ABCB6: variants seen among roughly 807,000 people sequenced by gnomAD.
ABCB6 encodes the protein ATP binding cassette subfamily B member 6 (LAN blood group), also known as ATP-binding cassette sub-family B member 6.
In ABCB6, 87 loss-of-function variants were observed where a neutral mutation model predicts 99.4. The ratio of observed to expected loss-of-function variants is 0.88; its 90% CI spans 0.74 to 1.05. ABCB6 has a LOEUF of 1.05. ABCB6 is among the 50% of genes least tolerant of loss of function. The pLI, the probability that ABCB6 is intolerant of heterozygous loss-of-function variation, is 0.00. For missense variants in ABCB6, 1,050 were observed against 1,097.9 expected (o/e 0.96, Z 0.62); for synonymous variants, 482 against 447.5 (o/e 1.08, Z -0.97).
At chr2:219,217,065 A>C (rs1950650383) in intron 2 of ABCB6, among the ~76,000 whole-genome samples, 1 of 152,210 alleles carries the variant, frequency 6.6e-6, no homozygotes, top group South Asian at 2.1e-4. Context: ...CAGGATTCAG[A>C]AACTGAGGTG....
At position 219,216,293 on chromosome 2, in the gene ABCB6, G is replaced by T; in HGVS notation, c.970+71C>A. On this transcript the variant is annotated intron_variant, in intron 4 of 18. Transcript: ENST00000265316. This position sits in a 1 kb window ranked among gnomAD's most constrained non-coding sequence, Gnocchi z 4.2. The stretch of plus-strand genomic sequence containing the variant: ...TGGGGGCTGGGGAGGAATGCTGGGA[G>T]AGGCGGATGCTGAGGGAATGCCTGT... 1 of 1,588,176 alleles carries T rather than the reference G, an allele frequency of 6.3e-7. No individual in the cohort carries two copies. The highest frequency in any genetic ancestry group is 1.1e-5 in the South Asian group (1 of 89,962).
At position 219,218,375 on chromosome 2, in the gene ABCB6, C is replaced by T; in HGVS notation, c.299G>A (p.Gly100Glu). 2 of 1,612,700 alleles carry T rather than the reference C, an allele frequency of 1.2e-6. No individual in the cohort carries two copies. Among genetic ancestry groups the T allele is most frequent in the Non-Finnish European group, 1.7e-6 (2 of 1,179,804 alleles). ...AAGTAGATAGCTTGGCAGTGGGGCCCCCCGGGCAGTGCCCACCCGGCCAGC... is the reference window on the plus strand; with the variant it reads ...AAGTAGATAGCTTGGCAGTGGGGCCTCCCGGGCAGTGCCCACCCGGCCAGC... ...GLAGRVGTAR[G>E]APLPSYLLLA... Residue 100 changes from glycine (G) to glutamate (E), a missense_variant, in exon 1 of 19, where the codon GGG becomes GAG. Transcript: ENST00000265316.
chr2:219,210,464 C>T lies in ABCB6; in HGVS notation c.2268G>A (p.Ala756=), dbSNP rs141050409. Residue 756 remains alanine, a synonymous_variant, in exon 17 of 19, where the codon GCG becomes GCA. Transcript: ENST00000265316. The stretch of plus-strand genomic sequence containing the variant: ...TGGCCCTCTCATTAGATGTATCCAG[C>T]GCTGACGTTGCCTATAGAGAGGGTC... The part of the protein sequence containing the change: ...GIILLDEATS[A]LDTSNERAIQ... The T allele has an allele frequency of 5.4e-5, 87 of 1,614,048 alleles. No individual in the cohort carries two copies. The highest frequency in any genetic ancestry group is 6.8e-5 in the Non-Finnish European group (80 of 1,180,032).
chr2:219,210,527 G>T (rs569043291), intron 16 of ABCB6, 52 bp from the exon 17 acceptor site: 1 of 1,603,094 alleles, frequency 6.2e-7, no homozygotes, highest in African/African-American at 1.3e-5. Context: ...ACCCTCAATG[G>T]AAGGAGGCAG....
In ABCB6 at chr2:219,218,417, A is replaced by C; in HGVS notation, c.257T>G (p.Leu86Arg). ...CCGGCCAGCCAGGCCGGCCAGGGGC[A>C]GCGCCGCCTGAAGTGTGGCCAGAAG... ...QLLLATLQAA[L>R]PLAGLAGRVG... Residue 86 changes from leucine (L) to arginine (R), a missense_variant, in exon 1 of 19, where the codon CTG (leucine) becomes CGG (arginine). Transcript: ENST00000265316. 1.9e-6 allele frequency: 3 copies of C among 1,611,290 alleles called. No homozygotes were observed. The highest frequency in any genetic ancestry group is 2.5e-6 in the Non-Finnish European group (3 of 1,179,088).
At chr2:219,213,715 CTCT>C (rs1201915632) in intron 9 of ABCB6, 49 bp from the exon 10 acceptor site, 1 of 1,613,594 alleles carries the variant, frequency 6.2e-7, no homozygotes, top group Non-Finnish European at 8.5e-7. Context: ...CTGCAGGCCG[CTCT>C]TCTTGTGTCA....
In ABCB6 at chr2:219,216,686, G is replaced by A; in HGVS notation, c.834C>T (p.Leu278=). The part of the protein sequence containing the change: ...CLGLMGLERA[L]NVLVPIFYRN... Reference sequence around the variant, plus strand: ...TATAGAATATAGGCACCAACACATTGAGTGCCCGTTCCAAACCCATGAGCC... The same window carrying A: ...TATAGAATATAGGCACCAACACATTAAGTGCCCGTTCCAAACCCATGAGCC... The change falls in exon 3 of 19, where the codon CTC becomes CTT. Residue 278 remains leucine (L), a synonymous_variant. Coordinates refer to ENST00000265316, the MANE Select transcript of ABCB6 (RefSeq NM_005689.4). This position sits in a 1 kb window ranked among gnomAD's most constrained non-coding sequence, Gnocchi z 4.2. 1 of 1,577,170 alleles carries A rather than the reference G, an allele frequency of 6.3e-7. No individual in the cohort carries two copies. Among genetic ancestry groups the A allele is most frequent in the South Asian group, 1.2e-5 (1 of 86,780 alleles).
At position 219,215,019 on chromosome 2, in the gene ABCB6, G is replaced by A; in HGVS notation, c.1218C>T (p.Ser406=). The A allele has an allele frequency of 1.2e-6, 2 of 1,614,208 alleles. No homozygotes were observed. Among genetic ancestry groups the A allele is most frequent in the Non-Finnish European group, 8.5e-7 (1 of 1,180,036 alleles). Residue 406 remains serine (S), a synonymous_variant, in exon 6 of 19, where the codon AGC becomes AGT. Transcript: ENST00000265316. The part of the protein sequence containing the change: ...ADIIIGIIYF[S]MFFNAWFGLI... ...GGCCAAACCAGGCGTTGAAGAACAT[G>A]CTGAAGTAGATGATGCCAATGATGA...
rs977860215 is a variant in ABCB6, at chr2:219,218,567, C to T, written c.107G>A (p.Arg36Gln). 5 of 1,612,450 alleles carry T rather than the reference C, an allele frequency of 3.1e-6. No homozygotes were observed. Among genetic ancestry groups the T allele is most frequent in the Non-Finnish European group, 3.4e-6 (4 of 1,179,688 alleles). ...CFFFTLVPST[R>Q]MALGTLALVL... is the part of the protein sequence containing the mutation. ...CAAGGCCAGAGTCCCCAGAGCCATC[C>T]GCGTCGAGGGCACGAGCGTGAAGAA... The change falls in exon 1 of 19, where the codon CGG becomes CAG. Residue 36 changes from arginine to glutamine, a missense_variant. Transcript: ENST00000265316.
At position 219,214,180 on chromosome 2, in the gene ABCB6, A is replaced by G. The variant is rs781417749; in HGVS notation, c.1393T>C (p.Tyr465His). The change falls in exon 8 of 19, where the codon TAT (tyrosine) becomes CAT (histidine). Residue 465 changes from tyrosine (Y) to histidine (H), a missense_variant. Transcript: ENST00000265316. ...DSLLNFETVK[Y>H]YNAESYEVER... is the part of the protein sequence containing the mutation. ...ACTTCGTAACTCTCGGCGTTGTAAT[A>G]CTTCACCTGATGAATTCAAACCAAA... The G allele has an allele frequency of 6.2e-7, 1 of 1,614,192 alleles. No individual in the cohort carries two copies. Among genetic ancestry groups the G allele is most frequent in the East Asian group, 2.2e-5 (1 of 44,886 alleles).
intron 5 of ABCB6, chr2:219,215,312 T>A: frequency 1.9e-6 from 1 of 519,942 alleles, no homozygotes; most frequent in Non-Finnish European, 3.4e-6. Context: ...GAAAAATATA[T>A]CTCCATAATG....
chr2:219,215,760 A>C (rs1950631059), intron 5 of ABCB6: 1 of 406,538 alleles, frequency 2.5e-6, no homozygotes, highest in South Asian at 6.9e-5. Flanking sequence ...GCAGAACCCA[A>C]CATACTAAAC....
intron 8 of ABCB6, 32 bp from the exon 9 acceptor site, chr2:219,213,983 CTA>C: frequency 1.2e-6 from 2 of 1,613,492 alleles, no homozygotes; most frequent in Non-Finnish European, 1.7e-6. Context: ...GAGGAATGTC[CTA>C]TACACAATGG....
intron 13 of ABCB6, among the ~76,000 whole-genome samples, 166 bp from the exon 14 acceptor site, chr2:219,212,657 G>A (rs1033382723): frequency 1.4e-4 from 22 of 152,242 alleles, no homozygotes; most frequent in African/African-American, 4.6e-4. Context: ...CTAGTAGTGG[G>A]ATTATAGGCA....
At chr2:219,212,347 G>A (rs573811472) in intron 14 of ABCB6, 40 bp downstream of exon 14, 22 of 1,559,698 alleles carry the variant, frequency 1.4e-5, no homozygotes, top group Middle Eastern at 1.7e-4. Context: ...TCCTCCACAC[G>A]TAGACCCCTA....
At position 219,218,394 on chromosome 2, in the gene ABCB6, G is replaced by A. The variant is rs1235347072; in HGVS notation, c.280C>T (p.Arg94Trp). 2 of 1,612,028 alleles carry A rather than the reference G, an allele frequency of 1.2e-6. No homozygotes were observed. The highest frequency in any genetic ancestry group is 1.7e-5 in the Admixed American group (1 of 59,948). ...AALPLAGLAG[R>W]VGTARGAPLP... ...GGGGCCCCCCGGGCAGTGCCCACCC[G>A]GCCAGCCAGGCCGGCCAGGGGCAGC... Residue 94 changes from arginine (R) to tryptophan (W), a missense_variant, in exon 1 of 19, where the codon CGG becomes TGG. Coordinates refer to ENST00000265316, the MANE Select transcript of ABCB6 (RefSeq NM_005689.4).
intron 8 of ABCB6, 64 bp downstream of exon 8, chr2:219,214,057 T>C: frequency 6.2e-7 from 1 of 1,612,964 alleles, no homozygotes; most frequent in South Asian, 1.1e-5. Flanking sequence ...CTATCACTCT[T>C]GGCCCTGAAA....
Position 219,218,812 on chromosome 2 carries a change from G to C in ABCB6, c.-139C>G, listed in dbSNP as rs1254628468. 5 of 983,550 alleles carry C rather than the reference G, an allele frequency of 5.1e-6. No individual in the cohort carries two copies. Among genetic ancestry groups the C allele is most frequent in the Non-Finnish European group, 7.2e-6 (5 of 696,542 alleles). The allele number at this position is 983,550 out of a possible 1,614,324, so 60.9% of individuals were successfully genotyped here. A position where few individuals can be genotyped will look rare whatever the true frequency, so the allele number is the denominator to read the frequency against. On this transcript the variant is annotated 5_prime_UTR_variant, in exon 1 of 19. Coordinates refer to ENST00000265316, the MANE Select transcript of ABCB6 (RefSeq NM_005689.4). The stretch of plus-strand genomic sequence containing the variant: ...CGCCAAGCTGCGGGGGTCCCGGGAA[G>C]GGACGCACGTGGACCAGGCCTCACC...
Position 219,218,490 on chromosome 2 carries a change from G to T in ABCB6, c.184C>A (p.Leu62Met). 1 of 1,608,874 alleles carries T rather than the reference G, an allele frequency of 6.2e-7. No homozygotes were observed. Among genetic ancestry groups the T allele is most frequent in the Non-Finnish European group, 8.5e-7 (1 of 1,178,170 alleles). Residue 62 changes from leucine to methionine, a missense_variant, in exon 1 of 19, where the codon CTG becomes ATG. By Grantham distance (15) the Leu-to-Met change is conservative (BLOSUM62 2). Transcript: ENST00000265316. ...RRERPAGADS[L>M]SWGAGPRISP... ...ATGCGAGGGCCGGCCCCCCAAGACA[G>T]CGAATCAGCACCAGCGGGCCGCTCC...
Sources: allele counts gnomAD v4.1 joint callset (sites outside exome capture counted in the v4.1 genomes callset), GRCh38; gene constraint gnomAD v4.1.1; non-coding constraint Gnocchi (gnomAD v3.1); transcripts MANE v1.5; gene names NCBI Gene and HGNC (gene_info 2026-07-23, HGNC 2026-07-21).